PARP4: variants seen among roughly 807,000 people sequenced by gnomAD.
The protein encoded by PARP4 is protein mono-ADP-ribosyltransferase PARP4.
PARP4 carries 120 observed loss-of-function variants against 187.7 expected under a neutral mutation model. That is an observed-to-expected ratio of 0.64 (90% CI 0.55 to 0.74). PARP4 has a LOEUF of 0.74. Among genes scored for constraint, PARP4 ranks in the 30% least tolerant of loss-of-function variants. PARP4 has a pLI of 0.00. For missense variants in PARP4, 1,836 were observed against 2,070.5 expected (o/e 0.89, Z 2.20); for synonymous variants, 654 against 740.9 (o/e 0.88, Z 1.90).
chr13:24,494,466 T>C (rs1175457632), intron 7 of PARP4, 107 bp downstream of exon 7: 14 of 990,598 alleles, frequency 1.4e-5, no homozygotes, highest in Non-Finnish European at 2.1e-5. Flanking sequence ...ACTGCTGGGA[T>C]ACAGGCATGA....
intron 30 of PARP4, among the ~76,000 whole-genome samples, chr13:24,439,970 T>C (rs545774253): frequency 3.6e-4 from 55 of 152,340 alleles, no homozygotes; most frequent in African/African-American, 1.3e-3. Flanking sequence ...TGGGTGAGCC[T>C]ACGGGGCCAC....
intron 1 of PARP4, among the ~76,000 whole-genome samples, chr13:24,512,492 C>G (rs1331962262): frequency 2.0e-5 from 3 of 152,322 alleles, no homozygotes; most frequent in South Asian, 4.1e-4. Flanking sequence ...AGGGCTGCGC[C>G]GCGGGGCAGA....
At chr13:24,447,969 G>A (rs1288867503) in intron 25 of PARP4, among the ~76,000 whole-genome samples, 1 of 152,172 alleles carries the variant, frequency 6.6e-6, no homozygotes, top group Non-Finnish European at 1.5e-5. Flanking sequence ...CACTTTGGGA[G>A]GCCAAGGCAG....
chr13:24,502,940 G>A (rs542927370), intron 2 of PARP4, among the ~76,000 whole-genome samples: 1 of 152,352 alleles, frequency 6.6e-6, no homozygotes, highest in Non-Finnish European at 1.5e-5. Flanking sequence ...TCCAGGGAGG[G>A]GCAGGGTGAG....
intron 1 of PARP4, among the ~76,000 whole-genome samples, chr13:24,511,213 C>T (rs1566026333): frequency 6.6e-6 from 1 of 152,186 alleles, no homozygotes; most frequent in Non-Finnish European, 1.5e-5. Flanking sequence ...TTCTCTCTTT[C>T]CACAGATTCA....
At chr13:24,456,527 T>C (rs2137477533) in intron 20 of PARP4, 49 bp from the exon 21 acceptor site, 2 of 1,552,004 alleles carry the variant, frequency 1.3e-6, no homozygotes, top group East Asian at 2.3e-5. Flanking sequence ...AGTAACACCA[T>C]ATTAGCAGTC....
chr13:24,433,349 C>T (rs1021393375), intron 31 of PARP4, among the ~76,000 whole-genome samples: 12 of 152,188 alleles, frequency 7.9e-5, no homozygotes, highest in African/African-American at 2.9e-4. Flanking sequence ...ATAGTGATGG[C>T]ATACTGGTGT....
intron 32 of PARP4, among the ~76,000 whole-genome samples, chr13:24,428,209 T>C (rs6490919): frequency 0.93 from 141,585 of 152,274 alleles, 66,019 homozygotes; most frequent in East Asian, 0.99. Context: ...AAGGCACATC[T>C]GTGAAATCCC....
rs376720645 is a variant in PARP4, at chr13:24,489,633, AAAC to A, written c.1214+1032_1214+1034del. 2.8e-3 allele frequency among the ~76,000 whole-genome samples: 422 copies of A among 152,302 alleles called. 4 individuals carry two copies. Among genetic ancestry groups the A allele is most frequent in the African/African-American group, 9.7e-3 (404 of 41,556 alleles). On this transcript the variant is annotated intron_variant, in intron 10 of 33. Coordinates refer to ENST00000381989, the MANE Select transcript of PARP4 (RefSeq NM_006437.4). The stretch of plus-strand genomic sequence containing the variant: ...CAAAAAAATAAAAAATAAAATAAAA[AAAC>A]AAAAGAAATCATAGCCATCTTAGTA...
chr13:24,442,889 G>A (rs1400114146), intron 28 of PARP4, among the ~76,000 whole-genome samples: 1 of 143,006 alleles, frequency 7.0e-6, no homozygotes, highest in South Asian at 2.2e-4. Context: ...CTCTAGTTCA[G>A]AGAGCTCTCC....
At chr13:24,425,599 C>CTATATATATATATATATA (rs138449687) in intron 33 of PARP4, among the ~76,000 whole-genome samples, 1 of 138,018 alleles carries the variant, frequency 7.2e-6, no homozygotes, top group African/African-American at 3.0e-5. Context: ...ATATCTATAT[C>CTATATATATATATATATA]TATATCTATA....
intron 10 of PARP4, 86 bp from the exon 11 acceptor site, chr13:24,486,391 T>G: frequency 1.2e-6 from 1 of 829,566 alleles, no homozygotes; most frequent in Non-Finnish European, 1.9e-6. Context: ...CCCAAAAGAG[T>G]CCAAATGTCC....
chr13:24,461,155 C>T (rs1872199663), intron 17 of PARP4, among the ~76,000 whole-genome samples: 2 of 152,194 alleles, frequency 1.3e-5, no homozygotes, highest in Admixed American at 1.3e-4. Context: ...TTGACCACCC[C>T]ATCATGAAAA....
chr13:24,508,757 G>C (rs1869846990), intron 1 of PARP4, among the ~76,000 whole-genome samples: 1 of 152,082 alleles, frequency 6.6e-6, no homozygotes, highest in Non-Finnish European at 1.5e-5. Flanking sequence ...TAAGTGATCT[G>C]CACACCTTGG....
intron 1 of PARP4, among the ~76,000 whole-genome samples, chr13:24,505,347 T>G (rs1372798778): frequency 6.6e-6 from 1 of 152,088 alleles, no homozygotes; most frequent in Non-Finnish European, 1.5e-5. Context: ...CTTGTTGCCC[T>G]GCAAGATATC....
chr13:24,505,440 T>C (rs561448180), intron 1 of PARP4, among the ~76,000 whole-genome samples: 70 of 152,282 alleles, frequency 4.6e-4, no homozygotes, highest in Non-Finnish European at 9.0e-4. Context: ...ATGGTGTTCC[T>C]TGGACGTTTG....
intron 15 of PARP4, among the ~76,000 whole-genome samples, chr13:24,474,013 A>G (rs1313205483): frequency 6.6e-6 from 1 of 152,062 alleles, no homozygotes; most frequent in Non-Finnish European, 1.5e-5. Context: ...TATAAGTCCA[A>G]CTTGGGTCTC....
intron 31 of PARP4, among the ~76,000 whole-genome samples, chr13:24,431,697 T>C (rs2137437006): frequency 1.3e-5 from 2 of 152,260 alleles, no homozygotes; most frequent in Middle Eastern, 6.8e-3. Context: ...ACAAATTAAA[T>C]GAAAAAAGAA....
chr13:24,485,245 C>G (rs1398135743), intron 11 of PARP4, among the ~76,000 whole-genome samples: 1 of 152,000 alleles, frequency 6.6e-6, no homozygotes, highest in Non-Finnish European at 1.5e-5. Context: ...CCTAAATCTT[C>G]TGTGTTTTTG....
Sources: allele counts gnomAD v4.1 joint callset (sites outside exome capture counted in the v4.1 genomes callset), GRCh38; gene constraint gnomAD v4.1.1; transcripts MANE v1.5; gene names NCBI Gene and HGNC (gene_info 2026-07-23, HGNC 2026-07-21).